USP34: variants seen among roughly 807,000 people sequenced by gnomAD.
The protein encoded by USP34 is ubiquitin carboxyl-terminal hydrolase 34.
USP34 carries 70 observed loss-of-function variants against 460.3 expected under a neutral mutation model. The ratio of observed to expected loss-of-function variants is 0.15; its 90% CI spans 0.13 to 0.19. USP34 has a LOEUF of 0.19. USP34 is among the 10% of genes least tolerant of loss of function. The probability of loss-of-function intolerance (pLI) is 1.00; values close to 1 mark genes in which losing one functional copy is unlikely to be tolerated. For synonymous variants in USP34, 1,647 were observed against 1,405.3 expected (o/e 1.17, Z -3.85); for missense variants, 3,985 against 4,236.2 (o/e 0.94, Z 1.65).
chr2:61,383,392 T>C (rs1693034280), intron 5 of USP34, 56 bp from the exon 6 acceptor site: 2 of 1,310,190 alleles, frequency 1.5e-6, no homozygotes. Context: ...TACATATATC[T>C]TTCACTAAAC....
chr2:61,286,993 G>GA (rs1018403766), intron 34 of USP34, among the ~76,000 whole-genome samples: 1 of 151,992 alleles, frequency 6.6e-6, no homozygotes, highest in African/African-American at 2.4e-5. Flanking sequence ...AGTTTATTCT[G>GA]AAAAAAACAT....
intron 75 of USP34, among the ~76,000 whole-genome samples, chr2:61,195,625 T>A (rs190679523): frequency 6.6e-6 from 1 of 152,126 alleles, no homozygotes; most frequent in Non-Finnish European, 1.5e-5. Context: ...TGAGACGAGA[T>A]TGTGCCACTG....
chr2:61,265,342 C>G (rs1689016799), intron 43 of USP34, 55 bp downstream of exon 43: 1 of 1,543,280 alleles, frequency 6.5e-7, no homozygotes. Flanking sequence ...AATTTATCAA[C>G]AAAATATTAA....
At chr2:61,259,833 C>A (rs995585172) in intron 43 of USP34, 57 bp from the exon 44 acceptor site, 28 of 1,540,244 alleles carry the variant, frequency 1.8e-5, no homozygotes, top group Admixed American at 3.4e-5. Flanking sequence ...GTAAATTAGG[C>A]ATTCTAGCAA....
chr2:61,276,372 CT>C (rs1455079824), intron 41 of USP34, among the ~76,000 whole-genome samples: 3 of 152,016 alleles, frequency 2.0e-5, no homozygotes, highest in Non-Finnish European at 4.4e-5. Context: ...ATTATTGCCT[CT>C]TAGTCAATTT....
intron 10 of USP34, among the ~76,000 whole-genome samples, chr2:61,358,578 A>G (rs1692177898): frequency 6.6e-6 from 1 of 152,210 alleles, no homozygotes; most frequent in Admixed American, 6.5e-5. Flanking sequence ...AAGGATGCCC[A>G]TATTTACCAC....
intron 5 of USP34, among the ~76,000 whole-genome samples, 199 bp downstream of exon 5, chr2:61,394,654 A>G (rs1278975793): frequency 6.6e-6 from 1 of 152,132 alleles, no homozygotes; most frequent in African/African-American, 2.4e-5. Flanking sequence ...TTTAGCTTTA[A>G]AACAGGTAAC....
chr2:61,312,938 G>A (rs1414386652), intron 25 of USP34, among the ~76,000 whole-genome samples: 1 of 152,118 alleles, frequency 6.6e-6, no homozygotes, highest in Admixed American at 6.5e-5. Flanking sequence ...AACAAATTAA[G>A]ACATTATTGT....
At position 61,263,224 on chromosome 2, in the gene USP34, A is replaced by C. The variant is rs1360637374; in HGVS notation, c.5778+2173T>G. 2.2e-5 allele frequency among the ~76,000 whole-genome samples: 3 copies of C among 137,270 alleles called. No homozygotes were observed. The South Asian group carries it at 6.8e-4, about 31-fold the overall frequency. The allele number at this position is 137,270 out of a possible 152,430, so 90.1% of individuals were successfully genotyped here. The stretch of plus-strand genomic sequence containing the variant: ...GAGAGAAGTCTCGCTCTTGTCCCCA[A>C]AGTTTGAGTGTAATGGCTCGATCTC... On this transcript the variant is annotated intron_variant, in intron 43 of 79. Transcript: ENST00000398571.
In USP34 at chr2:61,347,989, A is replaced by C; in HGVS notation, c.2166T>G (p.Cys722Trp). 1 of 1,614,166 alleles carries C rather than the reference A, an allele frequency of 6.2e-7. No homozygotes were observed. The highest frequency in any genetic ancestry group is 8.5e-7 in the Non-Finnish European group (1 of 1,180,022). Residue 722 changes from cysteine to tryptophan, a missense_variant, in exon 15 of 80, where the codon TGT (cysteine) becomes TGG (tryptophan). Physicochemically the swap from Cys to Trp is radical, Grantham distance 215. Transcript: ENST00000398571. ...THIAQGSQES[C>W]ITRTGDFLGE... ...CAAGGAAGTCCCCAGTTCGTGTGAT[A>C]CAAGACTCCTGAGACCCTTGTGCTA...
chr2:61,411,356 A>C (rs923636430), intron 2 of USP34, among the ~76,000 whole-genome samples: 1 of 150,500 alleles, frequency 6.6e-6, no homozygotes, highest in Non-Finnish European at 1.5e-5. Context: ...ACTCCAGCCC[A>C]GGTGACAGAT....
chr2:61,223,382 T>C (rs901203318), intron 62 of USP34, 86 bp from the exon 63 acceptor site: 92 of 1,334,372 alleles, frequency 6.9e-5, no homozygotes, highest in Non-Finnish European at 9.4e-5. Flanking sequence ...AAATTGTTGA[T>C]TCAATTATAA....
intron 5 of USP34, among the ~76,000 whole-genome samples, chr2:61,387,412 C>G (rs1375897506): frequency 6.6e-6 from 1 of 151,756 alleles, no homozygotes; most frequent in East Asian, 1.9e-4. Context: ...CTGCAGTGAG[C>G]CAAGATCGCA....
In USP34 at chr2:61,325,460, ATAATT is replaced by A; in HGVS notation, c.2931-8_2931-4del. The A allele has an allele frequency of 6.6e-7, 1 of 1,514,016 alleles. No homozygotes were observed. The highest frequency in any genetic ancestry group is 8.8e-7 in the Non-Finnish European group (1 of 1,137,862). 93.8% of individuals were successfully genotyped at this position (1,514,016 alleles called of 1,614,324 possible). On this transcript the variant is annotated splice_region_variant and splice_polypyrimidine_tract_variant and intron_variant, in intron 20 of 79. Coordinates refer to ENST00000398571, the MANE Select transcript of USP34 (RefSeq NM_014709.4). The stretch of plus-strand genomic sequence containing the variant: ...GAACTTCAGCACTATGGCTGTACCT[ATAATT>A]TAAAAGTCATTAAAATAATTAAATA...
intron 41 of USP34, among the ~76,000 whole-genome samples, chr2:61,266,948 C>T (rs937704943): frequency 6.6e-6 from 1 of 152,212 alleles, no homozygotes; most frequent in Non-Finnish European, 1.5e-5. Flanking sequence ...GTTTTCCTTT[C>T]AGGAGTCTGG....
intron 75 of USP34, among the ~76,000 whole-genome samples, chr2:61,195,680 CA>C (rs767560610): frequency 6.6e-6 from 1 of 151,812 alleles, no homozygotes; most frequent in Non-Finnish European, 1.5e-5. Context: ...TCAAACAAAA[CA>C]AAAAAACCAT....
chr2:61,243,350 T>C (rs1353142377), intron 51 of USP34, among the ~76,000 whole-genome samples: 1 of 151,704 alleles, frequency 6.6e-6, no homozygotes, highest in Non-Finnish European at 1.5e-5. Flanking sequence ...TTTCCCCACA[T>C]TGGCCATGCT....
intron 1 of USP34, among the ~76,000 whole-genome samples, chr2:61,426,361 G>A (rs1477382198): frequency 6.6e-6 from 1 of 152,190 alleles, no homozygotes; most frequent in Admixed American, 6.5e-5. Flanking sequence ...CCACAGGGGA[G>A]CCCACTGCCC....
In USP34 at chr2:61,316,495, G is replaced by A. The variant is rs189086879; in HGVS notation, c.3282+1159C>T. On this transcript the variant is annotated intron_variant, in intron 23 of 79. Coordinates refer to ENST00000398571, the MANE Select transcript of USP34 (RefSeq NM_014709.4). ...AGCTACTCAAGAGGCTGAGGCATGA[G>A]AATCGCTTGAACCCAGGAGGTGGAG... Among the ~76,000 whole-genome samples, 869 of 152,176 alleles carry A rather than the reference G, an allele frequency of 5.7e-3. 4 individuals carry two copies. The highest frequency in any genetic ancestry group is 8.0e-3 in the Non-Finnish European group (543 of 67,996).
Sources: gnomAD v4.1 joint callset for allele counts (sites outside exome capture counted in the v4.1 genomes callset) on GRCh38, gnomAD v4.1.1 for gene constraint, MANE v1.5 for transcripts, NCBI Gene and HGNC (gene_info 2026-07-23, HGNC 2026-07-21) for gene names.